Variants in MAPK8IP3 observed in about 807,000 individuals in gnomAD.
MAPK8IP3 encodes the protein mitogen-activated protein kinase 8 interacting protein 3, also known as C-Jun-amino-terminal kinase-interacting protein 3.
Under a neutral mutation model 157.8 loss-of-function variants are expected in MAPK8IP3, and 49 were observed. The observed-to-expected ratio is 0.31, with a 90% CI of 0.25 to 0.39. MAPK8IP3 has a LOEUF of 0.39. Ranked by LOEUF, MAPK8IP3 falls within the 10% of genes least tolerant of loss-of-function variation. MAPK8IP3 has a pLI of 1.00. For missense variants in MAPK8IP3, 1,478 were observed against 1,889.4 expected (o/e 0.78, Z 4.04); for synonymous variants, 897 against 777.7 (o/e 1.15, Z -2.55).
At chr16:1,767,123 G>A (rs781272461) in intron 25 of MAPK8IP3, 26 bp from the exon 26 acceptor site, 7 of 1,611,858 alleles carry the variant, frequency 4.3e-6, no homozygotes, top group Non-Finnish European at 5.1e-6. Flanking sequence ...GGCCAGGCCT[G>A]AGCAGGTGTC....
chr16:1,733,075 G>A (rs965795166), intron 4 of MAPK8IP3, among the ~76,000 whole-genome samples: 1 of 152,184 alleles, frequency 6.6e-6, no homozygotes, highest in Non-Finnish European at 1.5e-5. Context: ...AATTAAAATC[G>A]AACCTGGACC....
At chr16:1,732,431 A>G (rs2039374728) in intron 4 of MAPK8IP3, among the ~76,000 whole-genome samples, 1 of 152,230 alleles carries the variant, frequency 6.6e-6, no homozygotes, top group Admixed American at 6.5e-5. Flanking sequence ...TCTGGATGAT[A>G]CAGAAGAAGC....
At chr16:1,738,661 T>G (rs1460173627) in intron 4 of MAPK8IP3, among the ~76,000 whole-genome samples, 2 of 117,564 alleles carry the variant, frequency 1.7e-5, no homozygotes, top group Non-Finnish European at 3.4e-5. Context: ...AGTGTGACCA[T>G]CCATGTGAGC....
Position 1,767,704 on chromosome 16 carries a change from G to A in MAPK8IP3, c.3378G>A (p.Val1126=), listed in dbSNP as rs2042354982. The A allele has an allele frequency of 6.2e-6, 10 of 1,612,768 alleles. No individual in the cohort carries two copies. Among genetic ancestry groups the A allele is most frequent in the Middle Eastern group, 1.7e-4 (1 of 6,024 alleles). ...HAHTHQHLQD[V]DIEPYVSKML... is the part of the protein sequence containing the mutation. Reference sequence around the variant, plus strand: ...ACACGCACCAGCATCTACAGGACGTGGACATTGAGCCCTACGTCAGCAAGA... The same window carrying A: ...ACACGCACCAGCATCTACAGGACGTAGACATTGAGCCCTACGTCAGCAAGA... Residue 1126 remains valine (V), a synonymous_variant, in exon 27 of 32, where the codon GTG becomes GTA. Transcript: ENST00000610761.
chr16:1,716,938 G>A (rs1167811561), intron 1 of MAPK8IP3, among the ~76,000 whole-genome samples: 1 of 151,604 alleles, frequency 6.6e-6, no homozygotes, highest in East Asian at 1.9e-4. Context: ...GGGCGCCTGT[G>A]ATCCCATCTA....
rs1205898294 is a variant in MAPK8IP3, at chr16:1,748,736, C to T, written c.1216+16C>T. On this transcript the variant is annotated intron_variant, in intron 8 of 31. Coordinates refer to ENST00000610761, the MANE Select transcript of MAPK8IP3 (RefSeq NM_001318852.2). ...GACCTCCTAGGTAAGCGCAAGCCTT[C>T]CCCCGCACCGCTGTGCCTGCACAAT... 6.3e-7 allele frequency: 1 copy of T among 1,593,044 alleles called. No homozygotes were observed.
At chr16:1,715,623 A>G (rs1266636514) in intron 1 of MAPK8IP3, among the ~76,000 whole-genome samples, 2 of 152,302 alleles carry the variant, frequency 1.3e-5, no homozygotes, top group African/African-American at 4.8e-5. Flanking sequence ...ATTGCACAAG[A>G]ACGAGATCTT....
At chr16:1,719,810 G>C (rs2038401745) in intron 1 of MAPK8IP3, among the ~76,000 whole-genome samples, 1 of 151,850 alleles carries the variant, frequency 6.6e-6, no homozygotes. Flanking sequence ...GGGAGACCCT[G>C]TCCCCAAAAA....
In MAPK8IP3 at chr16:1,766,388, C is replaced by T. The variant is rs773241221; in HGVS notation, c.2798C>T (p.Ser933Phe). 1.8e-5 allele frequency: 29 copies of T among 1,611,142 alleles called. No individual in the cohort carries two copies. The highest frequency in any genetic ancestry group is 1.7e-5 in the Non-Finnish European group (20 of 1,179,002). Residue 933 changes from serine to phenylalanine, a missense_variant, in exon 22 of 32, where the codon TCC becomes TTC. Ser to Phe is a radical substitution (Grantham distance 155). Transcript: ENST00000610761. ...TTCACTGACCCAGCCCCGACCCCGT[C>T]CTCTGGCCCCCAGCCTGGCAGGTGA... ...HVFTDPAPTP[S>F]SGPQPGSENG...
At position 1,766,892 on chromosome 16, in the gene MAPK8IP3, T is replaced by A. The variant is rs1024620578; in HGVS notation, c.3021-12T>A. 2.2e-5 allele frequency: 36 copies of A among 1,606,036 alleles called. No individual in the cohort carries two copies. The highest frequency in any genetic ancestry group is 2.1e-5 in the Non-Finnish European group (25 of 1,175,532). Reference sequence around the variant, plus strand: ...CCTGGCCCAAACCAGGCTCACCGCATTCCTGTTTCAGGCATGTCAAAGGCC... The same window carrying A: ...CCTGGCCCAAACCAGGCTCACCGCAATCCTGTTTCAGGCATGTCAAAGGCC... On this transcript the variant is annotated splice_polypyrimidine_tract_variant and intron_variant, in intron 24 of 31. Coordinates refer to ENST00000610761, the MANE Select transcript of MAPK8IP3 (RefSeq NM_001318852.2).
intron 11 of MAPK8IP3, 151 bp from the exon 12 acceptor site, chr16:1,760,229 T>C (rs1341026760): frequency 9.3e-7 from 1 of 1,077,932 alleles, no homozygotes; most frequent in South Asian, 1.5e-5. Context: ...CTATAGGGTT[T>C]AGCTAAGATG....
chr16:1,725,781 T>A (rs908643716), intron 2 of MAPK8IP3, among the ~76,000 whole-genome samples: 1 of 152,076 alleles, frequency 6.6e-6, no homozygotes, highest in Non-Finnish European at 1.5e-5. Context: ...CACTGCAACC[T>A]CTGCCTCCCG....
intron 6 of MAPK8IP3, among the ~76,000 whole-genome samples, 167 bp from the exon 7 acceptor site, chr16:1,748,077 G>A (rs2041078697): frequency 6.6e-6 from 1 of 152,202 alleles, no homozygotes; most frequent in African/African-American, 2.4e-5. Flanking sequence ...CTGTGCTGGG[G>A]TTCGACCTCT....
At position 1,768,269 on chromosome 16, in the gene MAPK8IP3, C is replaced by G; in HGVS notation, c.3633C>G (p.Asp1211Glu). The G allele has an allele frequency of 6.2e-7, 1 of 1,612,026 alleles. No homozygotes were observed. Among genetic ancestry groups the G allele is most frequent in the East Asian group, 2.2e-5 (1 of 44,868 alleles). Reference protein sequence around the residue: ...PGGIIHVYGDDSSDRAASSFI... With the variant: ...PGGIIHVYGDESSDRAASSFI... ...GCATCATCCACGTGTATGGCGATGACAGCAGTGACAGGGCGGCCAGCAGCT... is the reference window on the plus strand; with the variant it reads ...GCATCATCCACGTGTATGGCGATGAGAGCAGTGACAGGGCGGCCAGCAGCT... Residue 1211 changes from aspartate (D) to glutamate (E), a missense_variant, in exon 30 of 32, where the codon GAC (aspartate) becomes GAG (glutamate). Around this residue, in one of 11 missense-constraint regions of MAPK8IP3, gnomAD observed 83 missense variants for 85.3 expected, o/e 0.97. Coordinates refer to ENST00000610761, the MANE Select transcript of MAPK8IP3 (RefSeq NM_001318852.2).
intron 4 of MAPK8IP3, among the ~76,000 whole-genome samples, chr16:1,733,868 A>G (rs760893052): frequency 2.0e-5 from 3 of 152,240 alleles, no homozygotes; most frequent in Non-Finnish European, 4.4e-5. Context: ...CGCTGCCACA[A>G]CCAGGTCCTT....
At chr16:1,739,526 G>A (rs1185942305) in intron 4 of MAPK8IP3, among the ~76,000 whole-genome samples, 1 of 131,662 alleles carries the variant, frequency 7.6e-6, no homozygotes, top group Non-Finnish European at 1.6e-5. Context: ...GTCCGTGTGA[G>A]CTTCCGTGTG....
intron 6 of MAPK8IP3, among the ~76,000 whole-genome samples, chr16:1,747,688 G>A (rs1252278049): frequency 1.3e-5 from 2 of 151,492 alleles, no homozygotes; most frequent in Admixed American, 6.6e-5. Flanking sequence ...AGTAGCCTGC[G>A]TCACCCCACG....
At chr16:1,763,985 A>G in intron 17 of MAPK8IP3, 130 bp from the exon 18 acceptor site, 1 of 1,091,782 alleles carries the variant, frequency 9.2e-7, no homozygotes, top group Non-Finnish European at 1.3e-6. Flanking sequence ...CGCGGCTCCC[A>G]CGCCCCCACC....
rs548196674 is a variant in MAPK8IP3, at chr16:1,744,721, G to A, written c.747+1245G>A. ...GGCCTCCGGGCTGCCTCTCGCGCCC[G>A]CTCTGGGCCCGCTCTTCTTCTCATG... On this transcript the variant is annotated intron_variant, in intron 5 of 31. Transcript: ENST00000610761. 4.1e-5 allele frequency: 40 copies of A among 985,466 alleles called. No homozygotes were observed. In the African/African-American group the frequency reaches 4.4e-4, roughly 11 times the overall value. 61.0% of individuals were successfully genotyped at this position (985,466 alleles called of 1,614,324 possible).
Sources: gnomAD v4.1 joint callset for allele counts (sites outside exome capture counted in the v4.1 genomes callset) on GRCh38, gnomAD v4.1.1 for gene constraint, gnomAD v4.1.1 regional missense constraint, MANE v1.5 for transcripts, NCBI Gene and HGNC (gene_info 2026-07-23, HGNC 2026-07-21) for gene names.